GALNT17: variants seen among roughly 807,000 people sequenced by gnomAD.
GALNT17 encodes UDP-GalNAc:polypeptide N-acetylgalactosaminyltransferase-like 3.
In GALNT17, 29 loss-of-function variants were observed where a neutral mutation model predicts 63.7. The ratio of observed to expected loss-of-function variants is 0.46; its 90% CI spans 0.34 to 0.62. The LOEUF is 0.62. GALNT17 is among the 20% of genes least tolerant of loss of function. GALNT17 has a pLI of 0.01. For synonymous variants in GALNT17, 305 were observed against 318.3 expected, an observed-to-expected ratio of 0.96 and a Z score of 0.45; for missense variants, 603 against 799.6, an observed-to-expected ratio of 0.75 and a Z score of 2.97.
Position 71,455,024 on chromosome 7 carries a change from C to G in GALNT17, c.962+33919C>G, listed in dbSNP as rs10263758. Among the ~76,000 whole-genome samples the G allele has an allele frequency of 3.4e-3, 517 of 152,008 alleles. 2 individuals carry two copies. Among genetic ancestry groups the G allele is most frequent in the African/African-American group, 0.012 (492 of 41,432 alleles). On this transcript the variant is annotated intron_variant, in intron 5 of 10. Coordinates refer to ENST00000333538, the MANE Select transcript of GALNT17 (RefSeq NM_022479.3). ...TCTACAAAAAAATACAAAAATTAGC[C>G]AGGTGTGGTGGTATGCATCTATAGT...
intron 5 of GALNT17, among the ~76,000 whole-genome samples, chr7:71,424,055 A>G (rs923745080): frequency 2.6e-5 from 4 of 152,250 alleles, no homozygotes; most frequent in Non-Finnish European, 5.9e-5. Context: ...TGGGTCTACA[A>G]CTTCCTCAAG....
chr7:71,575,791 T>A (rs1375010357), intron 6 of GALNT17, among the ~76,000 whole-genome samples: 1 of 152,124 alleles, frequency 6.6e-6, no homozygotes, highest in East Asian at 1.9e-4. Context: ...TAAAGATCTG[T>A]CAGAAGAACA....
At chr7:71,187,286 C>CTTTT (rs74272911) in intron 1 of GALNT17, among the ~76,000 whole-genome samples, 1 of 123,318 alleles carries the variant, frequency 8.1e-6, no homozygotes, top group Non-Finnish European at 1.6e-5. Flanking sequence ...ATTTTTCTTT[C>CTTTT]TTTTTTTTTT....
At chr7:71,656,635 G>A (rs1201794473) in intron 6 of GALNT17, among the ~76,000 whole-genome samples, 1 of 152,060 alleles carries the variant, frequency 6.6e-6, no homozygotes, top group East Asian at 1.9e-4. Context: ...GGAGATGGTC[G>A]TAGCTTGCAC....
intron 5 of GALNT17, among the ~76,000 whole-genome samples, chr7:71,520,838 A>C (rs1184618375): frequency 6.6e-6 from 1 of 152,170 alleles, no homozygotes; most frequent in Admixed American, 6.5e-5. Flanking sequence ...CAGCAAAAGC[A>C]CTATCAGGAG....
intron 2 of GALNT17, among the ~76,000 whole-genome samples, chr7:71,387,278 G>T (rs915393769): frequency 3.5e-5 from 5 of 141,774 alleles, no homozygotes; most frequent in Admixed American, 2.1e-4. Context: ...GGCAAAACCC[G>T]CAATTACTTT....
At chr7:71,693,499 C>T (rs1791493657) in intron 9 of GALNT17, among the ~76,000 whole-genome samples, 1 of 151,820 alleles carries the variant, frequency 6.6e-6, no homozygotes, top group South Asian at 2.1e-4. Context: ...TTGTCCTTTG[C>T]AGGGACATGG....
At chr7:71,647,934 C>A (rs75118515) in intron 6 of GALNT17, among the ~76,000 whole-genome samples, 1 of 152,128 alleles carries the variant, frequency 6.6e-6, no homozygotes, top group Admixed American at 6.5e-5. Context: ...ACACCCATTG[C>A]GGGCTGTGCA....
intron 6 of GALNT17, among the ~76,000 whole-genome samples, chr7:71,595,402 T>C (rs966564199): frequency 2.0e-5 from 3 of 150,252 alleles, no homozygotes; most frequent in Non-Finnish European, 4.4e-5. Context: ...TGCATTCCAG[T>C]CTGGGTAAGA....
chr7:71,279,578 A>T (rs1238788803), intron 1 of GALNT17, among the ~76,000 whole-genome samples: 1 of 151,742 alleles, frequency 6.6e-6, no homozygotes, highest in Admixed American at 6.6e-5. Flanking sequence ...ACTTAATTAC[A>T]TCAACAAGGA....
intron 1 of GALNT17, among the ~76,000 whole-genome samples, chr7:71,278,533 C>A (rs1790722317): frequency 6.6e-6 from 1 of 152,208 alleles, no homozygotes; most frequent in South Asian, 2.1e-4. Context: ...AATATGTTCT[C>A]AGGCTGCTAC....
At chr7:71,216,534 A>C (rs1017262376) in intron 1 of GALNT17, among the ~76,000 whole-genome samples, 8 of 152,044 alleles carry the variant, frequency 5.3e-5, no homozygotes, top group Non-Finnish European at 1.2e-4. Flanking sequence ...ACACACACAC[A>C]TATACGTATA....
At chr7:71,270,060 C>T (rs1419821520) in intron 1 of GALNT17, among the ~76,000 whole-genome samples, 1 of 152,204 alleles carries the variant, frequency 6.6e-6, no homozygotes, top group African/African-American at 2.4e-5. Flanking sequence ...CTGCCCTACA[C>T]ATTTAATAAA....
At chr7:71,247,308 T>TG (rs1360523175) in intron 1 of GALNT17, among the ~76,000 whole-genome samples, 1 of 152,158 alleles carries the variant, frequency 6.6e-6, no homozygotes, top group South Asian at 2.1e-4. Context: ...GTTATAGCTT[T>TG]GGGGATAGAT....
chr7:71,259,631 G>GTTT (rs1164044325), intron 1 of GALNT17, among the ~76,000 whole-genome samples: 22 of 129,834 alleles, frequency 1.7e-4, no homozygotes, highest in African/African-American at 4.5e-4. Context: ...GTCCTGTTTT[G>GTTT]TTTTTTGTTT....
chr7:71,534,779 A>G (rs541348189), intron 5 of GALNT17, among the ~76,000 whole-genome samples: 4 of 152,108 alleles, frequency 2.6e-5, no homozygotes, highest in Non-Finnish European at 5.9e-5. Context: ...AGACCACATC[A>G]GGAAGTTTCT....
At chr7:71,702,653 G>A (rs1215952202) in intron 9 of GALNT17, among the ~76,000 whole-genome samples, 1 of 152,174 alleles carries the variant, frequency 6.6e-6, no homozygotes, top group Non-Finnish European at 1.5e-5. Flanking sequence ...ACTCTGGATG[G>A]TGTGTTGATA....
intron 5 of GALNT17, among the ~76,000 whole-genome samples, chr7:71,568,216 G>T (rs1789381919): frequency 6.6e-6 from 1 of 152,184 alleles, no homozygotes; most frequent in African/African-American, 2.4e-5. Flanking sequence ...AAAATCAAGG[G>T]CTTTGAAGGC....
At chr7:71,387,580 C>T (rs1792969560) in intron 2 of GALNT17, among the ~76,000 whole-genome samples, 1 of 152,112 alleles carries the variant, frequency 6.6e-6, no homozygotes, top group South Asian at 2.1e-4. Flanking sequence ...CCCACGTCGG[C>T]CTCCCAAATT....
Sources: gnomAD v4.1 joint callset for allele counts (sites outside exome capture counted in the v4.1 genomes callset) on GRCh38, gnomAD v4.1.1 for gene constraint, MANE v1.5 for transcripts, NCBI Gene and HGNC (gene_info 2026-07-23, HGNC 2026-07-21) for gene names.